Variants in COBL observed in about 807,000 individuals in gnomAD.
The protein encoded by COBL is cordon-bleu WH2 repeat protein, also known as protein cordon-bleu.
COBL carries 51 observed loss-of-function variants against 98.8 expected under a neutral mutation model. The ratio of observed to expected loss-of-function variants is 0.52; its 90% confidence interval spans 0.41 to 0.65. The LOEUF is 0.65. Among genes scored for constraint, COBL ranks in the 30% least tolerant of loss-of-function variants. The probability of loss-of-function intolerance (pLI) is 0.00; values close to 1 mark genes in which losing one functional copy is unlikely to be tolerated. For synonymous variants in COBL, 634 were observed against 651.7 expected, an observed-to-expected ratio of 0.97 and a Z score of 0.41; for missense variants, 1,617 against 1,617.5, an observed-to-expected ratio of 1.00 and a Z score of 0.01.
intron 1 of COBL, among the ~76,000 whole-genome samples, chr7:51,301,078 TGAG>T (rs1252908075): frequency 6.6e-6 from 1 of 152,100 alleles, no homozygotes. Flanking sequence ...CACGCTGAGA[TGAG>T]GAGTGAGTGC....
intron 1 of COBL, among the ~76,000 whole-genome samples, chr7:51,297,186 G>A (rs1000012946): frequency 3.9e-5 from 6 of 152,028 alleles, no homozygotes; most frequent in East Asian, 1.9e-4. Context: ...TCATTTTTAC[G>A]TAGGTAGACT....
At chr7:51,098,769 A>G (rs1171296243) in intron 6 of COBL, among the ~76,000 whole-genome samples, 1 of 152,216 alleles carries the variant, frequency 6.6e-6, no homozygotes, top group African/African-American at 2.4e-5. Context: ...TGAGTATATC[A>G]TACTTAAAAG....
At chr7:51,022,137 C>T (rs934795685) in intron 12 of COBL, among the ~76,000 whole-genome samples, 7 of 152,260 alleles carry the variant, frequency 4.6e-5, no homozygotes, top group Non-Finnish European at 7.4e-5. Context: ...CTGAGGGGAA[C>T]GTGGTTTCCA....
chr7:51,163,239 A>G (rs547369054), intron 5 of COBL, among the ~76,000 whole-genome samples: 1 of 152,384 alleles, frequency 6.6e-6, no homozygotes, highest in Admixed American at 6.5e-5. Flanking sequence ...CGTGGAAAAA[A>G]TATGTAAAAA....
At chr7:51,223,301 G>C (rs1364853196) in intron 1 of COBL, among the ~76,000 whole-genome samples, 1 of 152,228 alleles carries the variant, frequency 6.6e-6, no homozygotes, top group East Asian at 1.9e-4. Context: ...ATTAAAGTTA[G>C]CCAACATTTA....
At chr7:51,198,858 T>A (rs1790838995) in intron 2 of COBL, among the ~76,000 whole-genome samples, 1 of 152,208 alleles carries the variant, frequency 6.6e-6, no homozygotes, top group African/African-American at 2.4e-5. Flanking sequence ...TTGTAAGAGC[T>A]TTGGGATCCA....
At chr7:51,211,996 G>A (rs1256157559) in intron 2 of COBL, among the ~76,000 whole-genome samples, 1 of 152,124 alleles carries the variant, frequency 6.6e-6, no homozygotes, top group Non-Finnish European at 1.5e-5. Flanking sequence ...AAGAGAGCAG[G>A]GGTGGAGGGG....
At chr7:51,151,036 C>T (rs1785504813) in intron 5 of COBL, among the ~76,000 whole-genome samples, 1 of 152,042 alleles carries the variant, frequency 6.6e-6, no homozygotes, top group African/African-American at 2.4e-5. Flanking sequence ...TGACCATGGT[C>T]AGGGCAAGAA....
At chr7:51,152,973 C>A (rs564381066) in intron 5 of COBL, among the ~76,000 whole-genome samples, 19 of 152,326 alleles carry the variant, frequency 1.2e-4, no homozygotes, top group Admixed American at 8.5e-4. Flanking sequence ...AAACCACAAT[C>A]CTTTGTTATG....
At chr7:51,281,529 G>GA (rs1337888341) in intron 1 of COBL, among the ~76,000 whole-genome samples, 5 of 151,870 alleles carry the variant, frequency 3.3e-5, no homozygotes, top group Non-Finnish European at 7.4e-5. Flanking sequence ...TAAAAACACG[G>GA]AAAAAACCTT....
chr7:51,276,339 C>T (rs532966600), intron 1 of COBL, among the ~76,000 whole-genome samples: 9 of 152,286 alleles, frequency 5.9e-5, no homozygotes, highest in Non-Finnish European at 1.3e-4. Context: ...CCTGGGAGCC[C>T]TGTCCTGGGG....
intron 7 of COBL, among the ~76,000 whole-genome samples, chr7:51,074,406 G>A (rs1300539104): frequency 6.6e-6 from 1 of 152,058 alleles, no homozygotes; most frequent in African/African-American, 2.4e-5. Context: ...ATATTGGCCA[G>A]GATGGTCTCG....
chr7:51,315,583 C>T (rs1435081254), intron 1 of COBL, among the ~76,000 whole-genome samples: 1 of 152,224 alleles, frequency 6.6e-6, no homozygotes. Flanking sequence ...ACCCTCATTC[C>T]ATTTGCAAGA....
chr7:51,043,590 G>A lies in COBL; in HGVS notation c.1199C>T (p.Ser400Leu), dbSNP rs748979327. 41 of 1,614,172 alleles carry A rather than the reference G, an allele frequency of 2.5e-5. No homozygotes were observed. Among genetic ancestry groups the A allele is most frequent in the South Asian group, 3.3e-5 (3 of 91,078 alleles). The change falls in exon 8 of 13, where the codon TCG (serine) becomes TTG (leucine). Residue 400 changes from serine (S) to leucine (L), a missense_variant. Ser to Leu is a moderately radical substitution (Grantham distance 145). Coordinates refer to ENST00000265136, the MANE Select transcript of COBL (RefSeq NM_015198.5). Reference sequence around the variant, plus strand: ...TCCTGAGTCCTCGGTCGTGTCCTCCGACGCAAAACAGCTGCCAACTGACAC... The same window carrying A: ...TCCTGAGTCCTCGGTCGTGTCCTCCAACGCAAAACAGCTGCCAACTGACAC... ...ETVSVGSCFA[S>L]EDTTEDSGVM...
At chr7:51,274,901 G>T (rs1799144988) in intron 1 of COBL, among the ~76,000 whole-genome samples, 1 of 152,232 alleles carries the variant, frequency 6.6e-6, no homozygotes, top group South Asian at 2.1e-4. Context: ...AGAATTCTCT[G>T]ATAGCAATCA....
chr7:51,251,308 G>A (rs1043900073), intron 1 of COBL, among the ~76,000 whole-genome samples: 2 of 152,106 alleles, frequency 1.3e-5, no homozygotes, highest in Non-Finnish European at 2.9e-5. Context: ...TATCCAACAC[G>A]ATATTAGCTC....
chr7:51,046,071 G>A (rs1268270572), intron 7 of COBL, among the ~76,000 whole-genome samples: 1 of 152,156 alleles, frequency 6.6e-6, no homozygotes, highest in Non-Finnish European at 1.5e-5. Context: ...GGGGTGGGGG[G>A]GCCTGCTCTC....
chr7:51,169,418 G>A (rs549764103), intron 5 of COBL, among the ~76,000 whole-genome samples: 5 of 152,308 alleles, frequency 3.3e-5, no homozygotes, highest in African/African-American at 9.6e-5. Context: ...TGTGTCATGA[G>A]TGCATCCTTA....
chr7:51,243,331 C>T (rs1795979406), intron 1 of COBL, among the ~76,000 whole-genome samples: 1 of 152,152 alleles, frequency 6.6e-6, no homozygotes, highest in African/African-American at 2.4e-5. Context: ...GTCACCTCAC[C>T]CCTCTGTACC....
Sources: allele counts gnomAD v4.1 joint callset (sites outside exome capture counted in the v4.1 genomes callset), GRCh38; gene constraint gnomAD v4.1.1; transcripts MANE v1.5; gene names NCBI Gene and HGNC (gene_info 2026-07-23, HGNC 2026-07-21).